ASIC2: variants seen among roughly 807,000 people sequenced by gnomAD.
ASIC2 encodes acid-sensing ion channel 2.
Under a neutral mutation model 57.3 loss-of-function variants are expected in ASIC2, and 25 were observed. That is an observed-to-expected ratio of 0.44 (90% CI 0.32 to 0.61). ASIC2 has a LOEUF of 0.61. Ranked by LOEUF, ASIC2 falls within the 20% of genes least tolerant of loss-of-function variation. The pLI is 0.06. For missense variants in ASIC2, 641 were observed against 738.1 expected, an observed-to-expected ratio of 0.87 and a Z score of 1.52; for synonymous variants, 319 against 307.5, an observed-to-expected ratio of 1.04 and a Z score of -0.39.
chr17:34,092,533 T>G (rs1910369895), intron 1 of ASIC2, among the ~76,000 whole-genome samples: 1 of 152,164 alleles, frequency 6.6e-6, no homozygotes, highest in South Asian at 2.1e-4. Flanking sequence ...AGGCACCCTA[T>G]GGGAGCCACC....
At chr17:33,188,296 T>C (rs2142065567) in intron 1 of ASIC2, among the ~76,000 whole-genome samples, 1 of 151,766 alleles carries the variant, frequency 6.6e-6, no homozygotes, top group South Asian at 2.1e-4. Context: ...AAAGACAAAA[T>C]AAAAATAATG....
At chr17:34,065,612 T>C (rs1295684045) in intron 1 of ASIC2, among the ~76,000 whole-genome samples, 1 of 152,146 alleles carries the variant, frequency 6.6e-6, no homozygotes, top group African/African-American at 2.4e-5. Context: ...AAAAGACCGC[T>C]GAGGGGTTGT....
At chr17:33,860,676 T>G (rs182165526) in intron 1 of ASIC2, among the ~76,000 whole-genome samples, 1 of 152,234 alleles carries the variant, frequency 6.6e-6, no homozygotes, top group Non-Finnish European at 1.5e-5. Context: ...CTTCTCACTA[T>G]GCCTAGGTTT....
chr17:33,177,539 G>A (rs987818435), intron 1 of ASIC2, among the ~76,000 whole-genome samples: 1 of 152,148 alleles, frequency 6.6e-6, no homozygotes, highest in Non-Finnish European at 1.5e-5. Context: ...GGGTGCCCCA[G>A]CTTCATTCAG....
intron 1 of ASIC2, among the ~76,000 whole-genome samples, chr17:33,144,155 AAC>A (rs1382445204): frequency 2.2e-5 from 3 of 134,462 alleles, no homozygotes; most frequent in East Asian, 2.4e-4. Context: ...AAAACAAACA[AAC>A]AAAAAAAAAA....
intron 1 of ASIC2, chr17:33,792,264 A>G (rs192583839): frequency 6.6e-6 from 1 of 152,278 alleles, no homozygotes; most frequent in East Asian, 1.9e-4. Context: ...TCCATTCTCC[A>G]CTGTTCAGTG....
At chr17:33,945,226 G>A (rs1383704221) in intron 1 of ASIC2, among the ~76,000 whole-genome samples, 2 of 152,014 alleles carry the variant, frequency 1.3e-5, no homozygotes, top group Non-Finnish European at 2.9e-5. Context: ...TTACAATGTC[G>A]ATTTCACAGA....
chr17:34,059,977 T>G (rs1041083663), intron 1 of ASIC2, among the ~76,000 whole-genome samples: 1 of 152,212 alleles, frequency 6.6e-6, no homozygotes, highest in East Asian at 1.9e-4. Context: ...ACCAGACCCC[T>G]CTCTACACTA....
intron 1 of ASIC2, chr17:33,834,140 A>G (rs1322856387): frequency 6.6e-6 from 1 of 152,260 alleles, no homozygotes; most frequent in South Asian, 2.1e-4. Context: ...CCACATCTAT[A>G]TAAGTCATTA....
chr17:33,980,485 T>A (rs781428662), intron 1 of ASIC2, among the ~76,000 whole-genome samples: 25 of 152,122 alleles, frequency 1.6e-4, no homozygotes, highest in Admixed American at 1.6e-3. Flanking sequence ...ACAACACATA[T>A]GGAGATGGGA....
At chr17:33,607,960 C>T (rs1187863009) in intron 1 of ASIC2, among the ~76,000 whole-genome samples, 2 of 152,126 alleles carry the variant, frequency 1.3e-5, no homozygotes, top group African/African-American at 4.8e-5. Flanking sequence ...GAAGACTTTG[C>T]CTTCAACCTA....
chr17:33,257,119 A>AT (rs1184024810), intron 1 of ASIC2, among the ~76,000 whole-genome samples: 1 of 152,172 alleles, frequency 6.6e-6, no homozygotes, highest in Non-Finnish European at 1.5e-5. Context: ...AAATGGAGTG[A>AT]TTTTACATAA....
chr17:33,259,945 C>T (rs1237619416), intron 1 of ASIC2, among the ~76,000 whole-genome samples: 1 of 152,082 alleles, frequency 6.6e-6, no homozygotes, highest in Non-Finnish European at 1.5e-5. Context: ...TCATTCTGCT[C>T]CAAGTGACTT....
chr17:33,456,250 G>A (rs1912448785), intron 1 of ASIC2, among the ~76,000 whole-genome samples: 1 of 152,066 alleles, frequency 6.6e-6, no homozygotes, highest in South Asian at 2.1e-4. Flanking sequence ...CCCACCCCAG[G>A]GTCTTTGGCT....
intron 1 of ASIC2, among the ~76,000 whole-genome samples, chr17:33,364,854 G>T (rs536062650): frequency 9.9e-5 from 15 of 152,208 alleles, no homozygotes; most frequent in Non-Finnish European, 2.2e-4. Flanking sequence ...ATTCCCCTTC[G>T]TTACTGTGTC....
chr17:33,631,038 T>G (rs1432039980), intron 1 of ASIC2, among the ~76,000 whole-genome samples: 2 of 152,146 alleles, frequency 1.3e-5, no homozygotes, highest in Non-Finnish European at 2.9e-5. Context: ...CAGATTGGAG[T>G]AAAGTTGGAG....
At chr17:33,184,354 A>G (rs1459366891) in intron 1 of ASIC2, among the ~76,000 whole-genome samples, 2 of 152,188 alleles carry the variant, frequency 1.3e-5, no homozygotes, top group Non-Finnish European at 2.9e-5. Flanking sequence ...GTGAGAGGAC[A>G]TGCTGAAATG....
chr17:33,564,425 G>C (rs12940670), intron 1 of ASIC2, among the ~76,000 whole-genome samples: 4 of 152,066 alleles, frequency 2.6e-5, no homozygotes, highest in African/African-American at 9.7e-5. Context: ...TAATCCCAGA[G>C]ATTAGGATCT....
At chr17:33,248,599 C>A (rs1475459958) in intron 1 of ASIC2, among the ~76,000 whole-genome samples, 2 of 152,184 alleles carry the variant, frequency 1.3e-5, no homozygotes, top group African/African-American at 4.8e-5. Context: ...TGAGCTGGAA[C>A]CATTGTGTCA....
Sources: gnomAD v4.1 joint callset for allele counts (sites outside exome capture counted in the v4.1 genomes callset) on GRCh38, gnomAD v4.1.1 for gene constraint, MANE v1.5 for transcripts, NCBI Gene and HGNC (gene_info 2026-07-23, HGNC 2026-07-21) for gene names.